JKAMP: variants seen among roughly 807,000 people sequenced by gnomAD.
The protein encoded by JKAMP is JNK1/MAPK8 associated membrane protein.
Under a neutral mutation model 40.2 loss-of-function variants are expected in JKAMP, and 20 were observed. The observed-to-expected ratio is 0.50, with a 90% confidence interval of 0.35 to 0.72. The LOEUF (loss-of-function observed/expected upper bound fraction) is 0.72, where lower values mean the gene tolerates loss of function less well. Ranked by LOEUF, JKAMP falls within the 30% of genes least tolerant of loss-of-function variation. JKAMP has a pLI of 0.01. For synonymous variants in JKAMP, 138 were observed against 131.6 expected (o/e 1.05, Z -0.33); for missense variants, 276 against 373.0 (o/e 0.74, Z 2.14).
At chr14:59,490,819 TTGG>T (rs1469202359) in intron 3 of JKAMP, among the ~76,000 whole-genome samples, 16 of 152,118 alleles carry the variant, frequency 1.1e-4, no homozygotes, top group African/African-American at 3.9e-4. Flanking sequence ...GTCCAGTCAA[TTGG>T]TGGGAAGTTC....
At position 59,501,239 on chromosome 14, in the gene JKAMP, C is replaced by T; in HGVS notation, c.689C>T (p.Ala230Val). ...TTAGTGTTATCTTTGGTTACTCTGG[C>T]TGTGTACATGTCTGCTTCTGAAATA... ...IILVLSLVTLAVYMSASEIEN... is the reference protein window; with the variant it reads ...IILVLSLVTLVVYMSASEIEN... The change falls in exon 6 of 7, where the codon GCT becomes GTT. Residue 230 changes from alanine to valine, a missense_variant. Ala to Val is a moderately conservative substitution (Grantham distance 64, BLOSUM62 0). Transcript: ENST00000616435. 1 of 1,604,018 alleles carries T rather than the reference C, an allele frequency of 6.2e-7. No homozygotes were observed. Among genetic ancestry groups the T allele is most frequent in the South Asian group, 1.1e-5 (1 of 90,698 alleles).
At chr14:59,485,205 C>T (rs1890441317) in intron 1 of JKAMP, 4 of 1,413,244 alleles carry the variant, frequency 2.8e-6, no homozygotes, top group South Asian at 1.2e-5. Flanking sequence ...TTGATATTCA[C>T]GTGTATTTAT....
chr14:59,496,094 C>T (rs370669831), intron 4 of JKAMP, among the ~76,000 whole-genome samples: 24 of 152,120 alleles, frequency 1.6e-4, no homozygotes, highest in Middle Eastern at 3.4e-3. Flanking sequence ...AGTAGAGAGA[C>T]GGGGTTTTGC....
intron 3 of JKAMP, 80 bp downstream of exon 3, chr14:59,487,908 T>C: frequency 7.9e-7 from 1 of 1,265,564 alleles, no homozygotes; most frequent in Admixed American, 1.9e-5. Flanking sequence ...TAAGTAATTA[T>C]GCTTCTTCTG....
Position 59,487,816 on chromosome 14 carries a change from C to CG in JKAMP, c.243dup (p.Lys82GlufsTer16), listed in dbSNP as rs1890693675. ...CATTGGTTCTTCATTGAATGGTACT[C>CG]GGGGAAAAAGAGGTTAGCACATTTC... On this transcript the variant is annotated frameshift_variant, in exon 3 of 7. Transcript: ENST00000616435. LOFTEE classifies it high-confidence loss of function. 2.5e-6 allele frequency: 4 copies of CG among 1,613,156 alleles called. No individual in the cohort carries two copies. Among genetic ancestry groups the CG allele is most frequent in the Non-Finnish European group, 2.5e-6 (3 of 1,179,534 alleles).
intron 6 of JKAMP, among the ~76,000 whole-genome samples, chr14:59,502,773 T>TTGTTTTTTTTTTTTTTTTTTTTG (rs796697193): frequency 1.5e-4 from 15 of 102,848 alleles, no homozygotes; most frequent in Non-Finnish European, 1.8e-4. Flanking sequence ...TTTTTTTTTT[T>TTGTTTTTTTTTTTTTTTTTTTTG]CGGAGTCTCA....
Position 59,504,201 on chromosome 14 carries a change from G to T in JKAMP, c.*129G>T. ...ATTGTCAGTATATCTTAATGTTTGGGTTTGTCTTTGTTTTGTTTATGGTTA... is the reference window on the plus strand; with the variant it reads ...ATTGTCAGTATATCTTAATGTTTGGTTTTGTCTTTGTTTTGTTTATGGTTA... On this transcript the variant is annotated 3_prime_UTR_variant, in exon 7 of 7. Coordinates refer to ENST00000616435, the MANE Select transcript of JKAMP (RefSeq NM_016475.5). 1.6e-6 allele frequency: 1 copy of T among 639,888 alleles called. No homozygotes were observed. 39.6% of individuals were successfully genotyped at this position (639,888 alleles called of 1,614,324 possible).
chr14:59,501,364 G>A, intron 6 of JKAMP, 97 bp downstream of exon 6: 1 of 748,104 alleles, frequency 1.3e-6, no homozygotes. Context: ...ACAACTAATT[G>A]TTTTAGTAAT....
intron 3 of JKAMP, 76 bp downstream of exon 3, chr14:59,487,904 A>C: frequency 4.7e-6 from 6 of 1,285,280 alleles, no homozygotes; most frequent in Non-Finnish European, 6.7e-6. Flanking sequence ...TTATTAAGTA[A>C]TTATGCTTCT....
At chr14:59,495,615 A>C (rs1375837424) in intron 4 of JKAMP, among the ~76,000 whole-genome samples, 1 of 152,218 alleles carries the variant, frequency 6.6e-6, no homozygotes, top group East Asian at 1.9e-4. Flanking sequence ...TTCTGTATGC[A>C]ATTATGCCAG....
In JKAMP at chr14:59,504,048, C is replaced by G. The variant is rs1472728656; in HGVS notation, c.912C>G (p.Leu304=). The change falls in exon 7 of 7, where the codon CTC becomes CTG. Residue 304 remains leucine, a synonymous_variant. Coordinates refer to ENST00000616435, the MANE Select transcript of JKAMP (RefSeq NM_016475.5). ...AATTTACCGAACCTTCAAGGATACT[C>G]TCAGAAGGAGCCAATGGACACTGAG... is the stretch of plus-strand genomic sequence containing the variant. ...TAKFTEPSRI[L]SEGANGH is the part of the protein sequence containing the mutation. The G allele has an allele frequency of 1.2e-6, 2 of 1,613,068 alleles. No individual in the cohort carries two copies. Among genetic ancestry groups the G allele is most frequent in the South Asian group, 1.1e-5 (1 of 91,066 alleles).
chr14:59,501,495 C>G (rs1891878101), intron 6 of JKAMP, among the ~76,000 whole-genome samples: 2 of 152,072 alleles, frequency 1.3e-5, no homozygotes, highest in African/African-American at 4.8e-5. Flanking sequence ...GCCCAACTAT[C>G]CAGCATGAAG....
intron 5 of JKAMP, among the ~76,000 whole-genome samples, chr14:59,499,914 C>G (rs545491817): frequency 2.0e-5 from 3 of 152,238 alleles, no homozygotes; most frequent in East Asian, 1.9e-4. Context: ...TCCTGGCTAC[C>G]CTCTCTGTCT....
At position 59,504,364 on chromosome 14, in the gene JKAMP, C is replaced by G; in HGVS notation, c.*292C>G. On this transcript the variant is annotated 3_prime_UTR_variant, in exon 7 of 7. Coordinates refer to ENST00000616435, the MANE Select transcript of JKAMP (RefSeq NM_016475.5). ...TGTTCTTTAGGGCAAAATCATGTTT[C>G]TGTGTACCTAGCAATGTGTTCCCAT... 2.9e-6 allele frequency: 1 copy of G among 344,560 alleles called. No individual in the cohort carries two copies. The highest frequency in any genetic ancestry group is 5.3e-6 in the Non-Finnish European group (1 of 190,024). 21.3% of individuals were successfully genotyped at this position (344,560 alleles called of 1,614,324 possible).
chr14:59,498,760 C>A lies in JKAMP; in HGVS notation c.492C>A (p.Cys164Ter). The A allele has an allele frequency of 1.9e-6, 3 of 1,588,680 alleles. No individual in the cohort carries two copies. The highest frequency in any genetic ancestry group is 2.6e-6 in the Non-Finnish European group (3 of 1,161,070). ...YTIVFIYYAF[C>*]LVLMMLLRPL... Reference sequence around the variant, plus strand: ...TTGTATTTATCTATTACGCATTCTGCTTGGTATTAATGATGCTGCTCCGAC... The same window carrying A: ...TTGTATTTATCTATTACGCATTCTGATTGGTATTAATGATGCTGCTCCGAC... Residue 164 changes from cysteine to a stop codon, truncating the protein, a stop_gained, in exon 5 of 7, where the codon TGC becomes TGA. Coordinates refer to ENST00000616435, the MANE Select transcript of JKAMP (RefSeq NM_016475.5). LOFTEE classifies it high-confidence loss of function.
chr14:59,487,748 T>C lies in JKAMP; in HGVS notation c.171T>C (p.Asp57=). ...QPCTESPELY[D]WLYLGFMAML... is the part of the protein sequence containing the mutation. ...GCACAGAATCTCCTGAACTTTATGA[T>C]TGGCTCTATCTTGGATTTATGGCAA... The change falls in exon 3 of 7, where the codon GAT becomes GAC. Residue 57 remains aspartate, a synonymous_variant. Coordinates refer to ENST00000616435, the MANE Select transcript of JKAMP (RefSeq NM_016475.5). 1.2e-6 allele frequency: 2 copies of C among 1,613,334 alleles called. No individual in the cohort carries two copies. Among genetic ancestry groups the C allele is most frequent in the East Asian group, 2.2e-5 (1 of 44,786 alleles).
chr14:59,504,942 TTGGTTTG>T lies in JKAMP; in HGVS notation c.*880_*886del. The T allele has an allele frequency of 9.4e-6, 2 of 211,942 alleles. No individual in the cohort carries two copies. The highest frequency in any genetic ancestry group is 4.6e-5 in the African/African-American group (2 of 43,796). 13.1% of individuals were successfully genotyped at this position (211,942 alleles called of 1,614,324 possible). On this transcript the variant is annotated 3_prime_UTR_variant, in exon 7 of 7. Transcript: ENST00000616435. ...CAGAATAAAAAGGGTTTTCCTGTGG[TTGGTTTG>T]TGGTTTGTGATAGGTGTTCTGTGAT...
rs1363867002 is a variant in JKAMP at position 59,502,749 on chromosome 14, G to GA, written c.718-1104dup. 2.9e-3 allele frequency among the ~76,000 whole-genome samples: 33 copies of GA among 11,558 alleles called. 1 individual carries two copies. The highest frequency in any genetic ancestry group is 5.0e-3 in the African/African-American group (33 of 6,546). The allele number at this position is 11,558 out of a possible 152,430, so 7.6% of individuals were successfully genotyped here. On this transcript the variant is annotated intron_variant, in intron 6 of 6. Coordinates refer to ENST00000616435, the MANE Select transcript of JKAMP (RefSeq NM_016475.5). ...ATATTTGGATATTTGAATAAAATGA[G>GA]ATTTTTTTTTTTTTTTTTTTTTTTC...
intron 1 of JKAMP, 32 bp from the exon 2 acceptor site, chr14:59,486,681 A>G (rs1458348250): frequency 7.2e-7 from 1 of 1,395,502 alleles, no homozygotes; most frequent in Admixed American, 2.2e-5. Flanking sequence ...ATCACAAAAG[A>G]TGTTACTATA....
Sources: gnomAD v4.1 joint callset for allele counts (sites outside exome capture counted in the v4.1 genomes callset) on GRCh38, gnomAD v4.1.1 for gene constraint, MANE v1.5 for transcripts, NCBI Gene and HGNC (gene_info 2026-07-23, HGNC 2026-07-21) for gene names.